Variants in KLHL13 observed in about 807,000 individuals in gnomAD.
KLHL13 encodes the protein kelch-like protein 13.
In KLHL13, 10 loss-of-function variants were observed where a neutral mutation model predicts 37.1. The ratio of observed to expected loss-of-function variants is 0.27; its 90% CI spans 0.17 to 0.46. KLHL13 has a LOEUF of 0.46. KLHL13 is among the 20% of genes least tolerant of loss of function. The pLI, the probability that KLHL13 is intolerant of heterozygous loss-of-function variation, is 1.00. For missense variants in KLHL13, 360 were observed against 509.3 expected (o/e 0.71, Z 2.82); for synonymous variants, 163 against 181.2 (o/e 0.90, Z 0.81).
intron 1 of KLHL13, among the ~76,000 whole-genome samples, chrX:117,987,416 AG>A (rs1281056813): frequency 1.8e-5 from 2 of 111,466 alleles, no homozygotes; most frequent in Non-Finnish European, 3.8e-5. Context: ...TGTTTCAAAA[AG>A]GGTTAATAAT....
intron 1 of KLHL13, among the ~76,000 whole-genome samples, chrX:117,953,046 C>T (rs1490992294): frequency 9.0e-6 from 1 of 111,141 alleles, no homozygotes; most frequent in East Asian, 2.8e-4. Context: ...CCAGCCATCC[C>T]ATTACTGAGT....
intron 4 of KLHL13, among the ~76,000 whole-genome samples, chrX:117,913,404 T>TA (rs953935521): frequency 1.8e-5 from 2 of 112,575 alleles, no homozygotes; most frequent in Non-Finnish European, 3.8e-5. Flanking sequence ...ATATGAAGTT[T>TA]AAAGCTTATT....
intron 1 of KLHL13, among the ~76,000 whole-genome samples, chrX:117,993,723 T>A (rs1157026610): frequency 9.1e-6 from 1 of 109,679 alleles, no homozygotes; most frequent in East Asian, 2.9e-4. Context: ...GAAACTTGAT[T>A]ACATTATCTG....
At chrX:117,908,291 C>T (rs745410121) in intron 5 of KLHL13, among the ~76,000 whole-genome samples, 4 of 107,248 alleles carry the variant, frequency 3.7e-5, no homozygotes, top group Non-Finnish European at 5.8e-5. Context: ...ATGTGCAGAA[C>T]GTGCTGTTTT....
chrX:118,030,595 G>T (rs1052304123), intron 1 of KLHL13, among the ~76,000 whole-genome samples: 1 of 112,284 alleles, frequency 8.9e-6, no homozygotes, highest in Non-Finnish European at 1.9e-5. Flanking sequence ...AACACTGTTG[G>T]GAGGTGGGGT....
intron 1 of KLHL13, among the ~76,000 whole-genome samples, chrX:117,959,733 T>G (rs180900351): frequency 8.9e-6 from 1 of 111,739 alleles, no homozygotes; most frequent in African/African-American, 3.2e-5. Flanking sequence ...TTAAGATAAT[T>G]ATGCACATTA....
At chrX:118,032,220 G>C (rs2054361800) in intron 1 of KLHL13, among the ~76,000 whole-genome samples, 1 of 111,511 alleles carries the variant, frequency 9.0e-6, no homozygotes, top group Non-Finnish European at 1.9e-5. Context: ...CAGGAAGCTT[G>C]AACTGGTTGG....
intron 1 of KLHL13, among the ~76,000 whole-genome samples, chrX:118,094,892 A>G (rs1220441721): frequency 6.3e-5 from 7 of 111,517 alleles, no homozygotes; most frequent in South Asian, 7.6e-4. Context: ...TGAAGGAAGC[A>G]CTAAACATGG....
At chrX:118,031,962 G>A (rs1175422182) in intron 1 of KLHL13, among the ~76,000 whole-genome samples, 4 of 110,343 alleles carry the variant, frequency 3.6e-5, no homozygotes, top group Non-Finnish European at 7.6e-5. Context: ...CCCTTTCCTA[G>A]TCAGAGAAAG....
At chrX:118,002,383 G>A (rs1457336284) in intron 1 of KLHL13, among the ~76,000 whole-genome samples, 1 of 109,876 alleles carries the variant, frequency 9.1e-6, no homozygotes, top group African/African-American at 3.3e-5. Flanking sequence ...GATCACCTGA[G>A]GTCAGGAGTT....
chrX:117,943,972 C>T (rs1230044972), intron 2 of KLHL13, among the ~76,000 whole-genome samples: 1 of 111,062 alleles, frequency 9.0e-6, no homozygotes, highest in South Asian at 3.9e-4. Context: ...GATTTATCTA[C>T]CTTTGGTCTT....
intron 1 of KLHL13, among the ~76,000 whole-genome samples, chrX:118,031,268 T>C (rs935765240): frequency 3.8e-4 from 41 of 108,399 alleles, no homozygotes; most frequent in African/African-American, 1.3e-3. Context: ...GTTTGAACCT[T>C]ACAACTATCA....
rs963255018 is a variant in KLHL13, at chrX:117,919,527, T to C, written c.564A>G (p.Ile188Met). ...AGATTTCAAAATATCTTACCCCAGA[T>C]ATGAGAAACACTTTACAGAAGTCCA... is the stretch of plus-strand genomic sequence containing the variant. Residue 188 changes from isoleucine (I) to methionine (M), a missense_variant, in exon 4 of 7, where the codon ATA (isoleucine) becomes ATG (methionine). By Grantham distance (10) the Ile-to-Met change is conservative (BLOSUM62 1). Transcript: ENST00000262820. 4.2e-6 allele frequency: 5 copies of C among 1,200,921 alleles called. No individual in the cohort carries two copies. The Admixed American group carries it at 1.1e-4, about 26-fold the overall frequency.
chrX:117,901,151 A>G (rs1930060298), intron 6 of KLHL13, among the ~76,000 whole-genome samples: 1 of 111,937 alleles, frequency 8.9e-6, no homozygotes, highest in Non-Finnish European at 1.9e-5. Context: ...CTATACTGAA[A>G]GAGAGAATGA....
At chrX:117,999,708 A>AAAATAAAT (rs200561523) in intron 1 of KLHL13, among the ~76,000 whole-genome samples, 5 of 110,152 alleles carry the variant, frequency 4.5e-5, no homozygotes, top group African/African-American at 1.7e-4. Flanking sequence ...AAATCTATTA[A>AAAATAAAT]AAATAAATAA....
chrX:117,977,140 A>G (rs1284717234), upstream of KLHL13, among the ~76,000 whole-genome samples: 3 of 111,965 alleles, frequency 2.7e-5, no homozygotes, highest in African/African-American at 9.7e-5. Flanking sequence ...AAATGTCTCA[A>G]TGTATTCTAA....
chrX:117,926,017 C>A (rs1399823049), intron 2 of KLHL13, among the ~76,000 whole-genome samples: 3 of 111,745 alleles, frequency 2.7e-5, no homozygotes, highest in Non-Finnish European at 3.8e-5. Flanking sequence ...AGCTATCTCT[C>A]ACACAATCAT....
chrX:118,037,918 A>C (rs2054467994), intron 1 of KLHL13, among the ~76,000 whole-genome samples: 1 of 111,758 alleles, frequency 8.9e-6, no homozygotes, highest in Non-Finnish European at 1.9e-5. Flanking sequence ...GATTGACTAA[A>C]AGATCATGAA....
intron 1 of KLHL13, among the ~76,000 whole-genome samples, chrX:118,021,993 T>G (rs1415636466): frequency 1.8e-5 from 2 of 112,195 alleles, no homozygotes; most frequent in Non-Finnish European, 3.8e-5. Flanking sequence ...CCAGTGATGA[T>G]GAGCATTTTT....
Sources: allele counts gnomAD v4.1 joint callset (sites outside exome capture counted in the v4.1 genomes callset), GRCh38; gene constraint gnomAD v4.1.1; transcripts MANE v1.5; gene names NCBI Gene and HGNC (gene_info 2026-07-23, HGNC 2026-07-21).